MYO5B: variants seen among roughly 807,000 people sequenced by gnomAD.
MYO5B encodes unconventional myosin-Vb.
Under a neutral mutation model 229.3 loss-of-function variants are expected in MYO5B, and 143 were observed. The observed-to-expected ratio is 0.62, with a 90% CI of 0.54 to 0.72. The LOEUF is 0.72. Among genes scored for constraint, MYO5B ranks in the 30% least tolerant of loss-of-function variants. The pLI, the probability that MYO5B is intolerant of heterozygous loss-of-function variation, is 0.00. For missense variants in MYO5B, 2,321 were observed against 2,331.0 expected (o/e 1.00, Z 0.09); for synonymous variants, 918 against 885.2 (o/e 1.04, Z -0.66).
chr18:50,073,359 C>T (rs546055626), intron 1 of MYO5B, among the ~76,000 whole-genome samples: 5 of 152,294 alleles, frequency 3.3e-5, no homozygotes, highest in African/African-American at 1.2e-4. Context: ...CAAATGAACT[C>T]AAACCCAGGT....
chr18:50,059,318 T>C (rs2030629398), intron 1 of MYO5B, among the ~76,000 whole-genome samples: 1 of 152,218 alleles, frequency 6.6e-6, no homozygotes, highest in Non-Finnish European at 1.5e-5. Context: ...ACCTAAGGGA[T>C]GTATATTTAG....
At chr18:50,054,081 C>T (rs534024371) in intron 2 of MYO5B, among the ~76,000 whole-genome samples, 1 of 152,334 alleles carries the variant, frequency 6.6e-6, no homozygotes, top group Admixed American at 6.5e-5. Context: ...TCCTCTTCCC[C>T]GACAGCTCCC....
chr18:50,080,661 T>C (rs1412086046), intron 1 of MYO5B, among the ~76,000 whole-genome samples: 1 of 152,166 alleles, frequency 6.6e-6, no homozygotes, highest in Non-Finnish European at 1.5e-5. Flanking sequence ...AAAAAGCCTA[T>C]TGAATCAAGA....
At chr18:50,185,071 CCT>C (rs933687675) in intron 1 of MYO5B, among the ~76,000 whole-genome samples, 1 of 151,218 alleles carries the variant, frequency 6.6e-6, no homozygotes, top group African/African-American at 2.4e-5. Flanking sequence ...AGAATGAGAC[CCT>C]GTCTCAAAAA....
chr18:50,024,374 A>G (rs56108118), intron 4 of MYO5B, among the ~76,000 whole-genome samples: 23,531 of 149,630 alleles, frequency 0.16, 1,919 homozygotes, highest in South Asian at 0.24. Context: ...GGGTGCTGGG[A>G]TTCCACCTCT....
intron 1 of MYO5B, among the ~76,000 whole-genome samples, chr18:50,088,289 A>C (rs11873736): frequency 0.038 from 5,760 of 152,258 alleles, 361 homozygotes; most frequent in African/African-American, 0.13. Context: ...AAAGTTTCCG[A>C]AACAGACAAA....
intron 4 of MYO5B, among the ~76,000 whole-genome samples, chr18:50,007,816 C>T (rs2026119073): frequency 1.3e-5 from 2 of 152,150 alleles, no homozygotes; most frequent in Non-Finnish European, 2.9e-5. Flanking sequence ...ACATCATGCT[C>T]AAATGGTTTA....
At chr18:49,838,455 A>C (rs561698459) in intron 36 of MYO5B, among the ~76,000 whole-genome samples, 1 of 152,264 alleles carries the variant, frequency 6.6e-6, no homozygotes, top group East Asian at 1.9e-4. Flanking sequence ...AGATTTCCAG[A>C]CAGGAAGGAG....
At chr18:49,830,687 A>C (rs1045024937) in intron 39 of MYO5B, among the ~76,000 whole-genome samples, 3 of 152,036 alleles carry the variant, frequency 2.0e-5, no homozygotes, top group African/African-American at 7.2e-5. Flanking sequence ...TTCCCTACTA[A>C]AAACGCAAAA....
At chr18:49,907,593 A>G (rs1164740278) in intron 18 of MYO5B, among the ~76,000 whole-genome samples, 1 of 152,242 alleles carries the variant, frequency 6.6e-6, no homozygotes, top group African/African-American at 2.4e-5. Flanking sequence ...GAAAGGAAGG[A>G]ATGAGCCAAG....
At chr18:50,160,999 C>T (rs1333564373) in intron 1 of MYO5B, among the ~76,000 whole-genome samples, 1 of 152,212 alleles carries the variant, frequency 6.6e-6, no homozygotes, top group Admixed American at 6.5e-5. Context: ...CTCAAGGCCA[C>T]CCTCAGCTTG....
intron 1 of MYO5B, among the ~76,000 whole-genome samples, chr18:50,096,517 A>G (rs1341000102): frequency 2.6e-5 from 4 of 151,924 alleles, no homozygotes; most frequent in South Asian, 2.1e-4. Flanking sequence ...TCCGTGTTCA[A>G]GAAGGATCAC....
intron 1 of MYO5B, among the ~76,000 whole-genome samples, chr18:50,162,021 G>C (rs1270601791): frequency 6.6e-6 from 1 of 152,254 alleles, no homozygotes; most frequent in Non-Finnish European, 1.5e-5. Context: ...ATAGGTACCT[G>C]CGTGCAACGC....
At chr18:49,991,024 C>T (rs374318863) in intron 6 of MYO5B, among the ~76,000 whole-genome samples, 2 of 134,678 alleles carry the variant, frequency 1.5e-5, no homozygotes, top group South Asian at 2.7e-4. Context: ...GGCCTTACAC[C>T]GGTGGGGTGG....
chr18:50,034,108 A>G (rs1238722311), intron 4 of MYO5B, among the ~76,000 whole-genome samples: 1 of 152,190 alleles, frequency 6.6e-6, no homozygotes, highest in Non-Finnish European at 1.5e-5. Flanking sequence ...AAAACTATTA[A>G]TGTTAGTTTC....
intron 10 of MYO5B, among the ~76,000 whole-genome samples, chr18:49,971,954 C>T (rs572857894): frequency 6.6e-6 from 1 of 152,288 alleles, no homozygotes; most frequent in African/African-American, 2.4e-5. Flanking sequence ...AAAAAAACAA[C>T]ATAGCATGCC....
chr18:49,967,573 T>A (rs2025639947), intron 10 of MYO5B, among the ~76,000 whole-genome samples: 1 of 152,216 alleles, frequency 6.6e-6, no homozygotes, highest in African/African-American at 2.4e-5. Flanking sequence ...AGGGAATGAT[T>A]ATTAGAAGTC....
chr18:49,880,749 T>C (rs749274897), intron 22 of MYO5B, among the ~76,000 whole-genome samples: 39 of 152,220 alleles, frequency 2.6e-4, no homozygotes, highest in Non-Finnish European at 5.0e-4. Flanking sequence ...TAACAGGCTT[T>C]CTGTAGAGAG....
intron 5 of MYO5B, among the ~76,000 whole-genome samples, chr18:49,999,040 C>T (rs1273424470): frequency 6.6e-6 from 1 of 152,122 alleles, no homozygotes; most frequent in African/African-American, 2.4e-5. Flanking sequence ...AAAAAATTTC[C>T]CCATGTCTCA....
Sources: gnomAD v4.1 joint callset for allele counts (sites outside exome capture counted in the v4.1 genomes callset) on GRCh38, gnomAD v4.1.1 for gene constraint, MANE v1.5 for transcripts, NCBI Gene and HGNC (gene_info 2026-07-23, HGNC 2026-07-21) for gene names.